IGSF9B: variants seen among roughly 807,000 people sequenced by gnomAD.
IGSF9B encodes protein turtle homolog B.
In IGSF9B, 48 loss-of-function variants were observed where a neutral mutation model predicts 143.7. The observed-to-expected ratio is 0.33, with a 90% CI of 0.26 to 0.42. The LOEUF (loss-of-function observed/expected upper bound fraction) is 0.42, where lower values mean the gene tolerates loss of function less well. Ranked by LOEUF, IGSF9B falls within the 20% of genes least tolerant of loss-of-function variation. IGSF9B has a pLI of 1.00. For missense variants in IGSF9B, 1,706 were observed against 1,980.0 expected (o/e 0.86, Z 2.63); for synonymous variants, 903 against 833.1 (o/e 1.08, Z -1.44).
intron 18 of IGSF9B, 137 bp downstream of exon 18, chr11:133,919,602 ACTC>A (rs1662569514): frequency 8.8e-6 from 5 of 570,406 alleles, no homozygotes; most frequent in Non-Finnish European, 1.4e-5. Flanking sequence ...GGCGGCCAGA[ACTC>A]CTCTCCGAGG....
chr11:133,907,876 C>G lies in IGSF9B; in HGVS notation c.*1193G>C, dbSNP rs377125179. ...CAGGTCCACCGGAGGACGAAGGCCC[C>G]GGGGCAGAGAAGAGTCGGCAGGCAG... On this transcript the variant is annotated 3_prime_UTR_variant, in exon 20 of 20. Coordinates refer to ENST00000533871, the MANE Select transcript of IGSF9B (RefSeq NM_001277285.4). Among the ~76,000 whole-genome samples the G allele has an allele frequency of 6.6e-6, 1 of 152,178 alleles. No individual in the cohort carries two copies. Among genetic ancestry groups the G allele is most frequent in the Non-Finnish European group, 1.5e-5 (1 of 68,036 alleles).
chr11:133,900,976 T>C lies in IGSF9B; in HGVS notation c.*8093A>G, dbSNP rs1010057142. On this transcript the variant is annotated 3_prime_UTR_variant, in exon 20 of 20. Transcript: ENST00000533871. ...TCTAATGCTGTGAAGCCAGGTTTTC[T>C]CTGAGGAACTGGTTACCTTTCCACA... 7.9e-5 allele frequency: 12 copies of C among 152,258 alleles called. No homozygotes were observed. Among genetic ancestry groups the C allele is most frequent in the Non-Finnish European group, 1.5e-4 (10 of 68,048 alleles). 9.4% of individuals were successfully genotyped at this position (152,258 alleles called of 1,614,324 possible).
chr11:133,944,484 G>T, intron 2 of IGSF9B, 118 bp from the exon 3 acceptor site: 1 of 1,095,196 alleles, frequency 9.1e-7, no homozygotes, highest in Non-Finnish European at 1.3e-6. Flanking sequence ...ATTCCCTATG[G>T]CAGGGCTCCA....
chr11:133,947,919 ATC>A (rs969727201), intron 1 of IGSF9B, among the ~76,000 whole-genome samples: 21 of 151,316 alleles, frequency 1.4e-4, no homozygotes, highest in East Asian at 1.2e-3. Context: ...CTGTCCGTCC[ATC>A]TCTCTCTGGC....
rs1939111890 is a variant in IGSF9B, at chr11:133,901,088, C to T, written c.*7981G>A. 6.6e-6 allele frequency: 1 copy of T among 152,270 alleles called. No individual in the cohort carries two copies. The highest frequency in any genetic ancestry group is 2.1e-4 in the South Asian group (1 of 4,834). The allele number at this position is 152,270 out of a possible 1,614,324, so 9.4% of individuals were successfully genotyped here. ...CAAAGAAGTTCAAGTCAACATCCCT[C>T]CCAAGTGGCAAGAGACACATTGGTC... On this transcript the variant is annotated 3_prime_UTR_variant, in exon 20 of 20. Coordinates refer to ENST00000533871, the MANE Select transcript of IGSF9B (RefSeq NM_001277285.4).
Position 133,902,266 on chromosome 11 carries a change from TCACA to T in IGSF9B, c.*6799_*6802del, listed in dbSNP as rs374552989. Among the ~76,000 whole-genome samples, 7 of 113,286 alleles carry T rather than the reference TCACA, an allele frequency of 6.2e-5. No individual in the cohort carries two copies. The highest frequency in any genetic ancestry group is 2.9e-4 in the East Asian group (1 of 3,400). The allele number at this position is 113,286 out of a possible 152,430, so 74.3% of individuals were successfully genotyped here. A position where few individuals can be genotyped will look rare whatever the true frequency, so the allele number is the denominator to read the frequency against. Reference sequence around the variant, plus strand: ...CACTCAACACACCACACACACTGCATCACACACACACACACCAGACACATCACAC... The same window carrying T: ...CACTCAACACACCACACACACTGCATCACACACACACCAGACACATCACAC... On this transcript the variant is annotated 3_prime_UTR_variant, in exon 20 of 20. Coordinates refer to ENST00000533871, the MANE Select transcript of IGSF9B (RefSeq NM_001277285.4).
At chr11:133,952,266 T>G (rs1940174471) in intron 1 of IGSF9B, 1 of 336,922 alleles carries the variant, frequency 3.0e-6, no homozygotes, top group South Asian at 2.3e-5. Flanking sequence ...ATAAGCTGCC[T>G]ATCCAACCCC....
chr11:133,947,857 G>A (rs1310068909), intron 1 of IGSF9B, among the ~76,000 whole-genome samples: 2 of 151,786 alleles, frequency 1.3e-5, no homozygotes, highest in African/African-American at 4.8e-5. Flanking sequence ...TGGCTCCTCT[G>A]TCTGCCTGTC....
At chr11:133,956,582 C>G (rs1940259675) in intron 1 of IGSF9B, 109 bp downstream of exon 1, 11 of 712,544 alleles carry the variant, frequency 1.5e-5, no homozygotes, top group Middle Eastern at 7.1e-4. Flanking sequence ...GAAGGCGCGC[C>G]GGGGAGCTGG....
At chr11:133,946,311 C>T in intron 1 of IGSF9B, 53 bp from the exon 2 acceptor site, 2 of 1,481,490 alleles carry the variant, frequency 1.3e-6, no homozygotes, top group Non-Finnish European at 9.3e-7. Flanking sequence ...AGAGATCCTG[C>T]CCCAGCAGCC....
Position 133,920,390 on chromosome 11 carries a change from G to A in IGSF9B, c.3335C>T (p.Pro1112Leu), listed in dbSNP as rs1162927815. ...CTTGGCGGCGGGGGGCGCTGGGACA[G>A]GGCCCCTGCCGGGCGACTTGCCTGC... ...GWAGKSPGRG[P>L]VPAPPAAKWQ... The change falls in exon 18 of 20, where the codon CCT becomes CTT. Residue 1112 changes from proline to leucine, a missense_variant. Pro to Leu is a moderately conservative substitution (Grantham distance 98, BLOSUM62 -3). Around this residue, in one of 7 missense-constraint regions of IGSF9B, gnomAD observed 880 missense variants for 762.9 expected, o/e 1.15. Coordinates refer to ENST00000533871, the MANE Select transcript of IGSF9B (RefSeq NM_001277285.4). 1.2e-6 allele frequency: 2 copies of A among 1,601,160 alleles called. No individual in the cohort carries two copies. The highest frequency in any genetic ancestry group is 8.5e-7 in the Non-Finnish European group (1 of 1,174,632).
intron 7 of IGSF9B, among the ~76,000 whole-genome samples, chr11:133,934,884 A>G (rs933561528): frequency 1.3e-5 from 2 of 152,250 alleles, no homozygotes; most frequent in African/African-American, 4.8e-5. Context: ...TACAGCAACA[A>G]TGCCAGCCTT....
chr11:133,947,512 G>T (rs1940075573), intron 1 of IGSF9B, among the ~76,000 whole-genome samples: 1 of 152,230 alleles, frequency 6.6e-6, no homozygotes, highest in Non-Finnish European at 1.5e-5. Flanking sequence ...GCCAGCTGGG[G>T]ACTCCCGCAG....
chr11:133,927,024 G>C lies in IGSF9B; in HGVS notation c.1699C>G (p.Leu567Val). ...SLPVPPGPSW[L>V]LVDTLEPETA... ...TCAGGCTCCAGGGTGTCCACCAGCA[G>C]CCAGCTGGGTCCTGGCGGCACTGGC... The change falls in exon 13 of 20, where the codon CTG becomes GTG. Residue 567 changes from leucine (L) to valine (V), a missense_variant. Around this residue, in one of 7 missense-constraint regions of IGSF9B, gnomAD observed 267 missense variants for 321.1 expected, o/e 0.83. Coordinates refer to ENST00000533871, the MANE Select transcript of IGSF9B (RefSeq NM_001277285.4). 1 of 1,571,280 alleles carries C rather than the reference G, an allele frequency of 6.4e-7. No individual in the cohort carries two copies.
rs886565289 is a variant in IGSF9B, at chr11:133,906,810, T to C, written c.*2259A>G. Reference sequence around the variant, plus strand: ...CAGGGCCTGGCTGAGCCCCGTGAGCTCCTCTGGGGTAGAAATCTCACACTG... The same window carrying C: ...CAGGGCCTGGCTGAGCCCCGTGAGCCCCTCTGGGGTAGAAATCTCACACTG... On this transcript the variant is annotated 3_prime_UTR_variant, in exon 20 of 20. Transcript: ENST00000533871. Among the ~76,000 whole-genome samples the C allele has an allele frequency of 1.3e-5, 2 of 152,022 alleles. No individual in the cohort carries two copies. The highest frequency in any genetic ancestry group is 4.8e-5 in the African/African-American group (2 of 41,372).
intron 12 of IGSF9B, among the ~76,000 whole-genome samples, chr11:133,927,787 G>A (rs1218522015): frequency 6.6e-6 from 1 of 152,178 alleles, no homozygotes; most frequent in Non-Finnish European, 1.5e-5. Flanking sequence ...TCACCACAGG[G>A]AGGAGACATG....
chr11:133,950,128 G>A (rs1940131379), intron 1 of IGSF9B, among the ~76,000 whole-genome samples: 1 of 152,178 alleles, frequency 6.6e-6, no homozygotes, highest in Non-Finnish European at 1.5e-5. Flanking sequence ...GGCTGCCGTT[G>A]GACCCCTGTG....
rs746947924 is a variant in IGSF9B, at chr11:133,919,917, G to A, written c.3808C>T (p.Arg1270Trp). ...AGAGTGGTGAAGCCCATGGCGGGCC[G>A]GTAGCTGGGACTCCCACTGCGGCTG... ...QSSRSGSPSY[R>W]PAMGFTTLAT... The change falls in exon 18 of 20, where the codon CGG becomes TGG. Residue 1270 changes from arginine to tryptophan, a missense_variant. Physicochemically the swap from Arg to Trp is moderately radical, Grantham distance 101. Around this residue, in one of 7 missense-constraint regions of IGSF9B, gnomAD observed 880 missense variants for 762.9 expected, o/e 1.15. Coordinates refer to ENST00000533871, the MANE Select transcript of IGSF9B (RefSeq NM_001277285.4). The A allele has an allele frequency of 2.6e-6, 4 of 1,564,666 alleles. No individual in the cohort carries two copies. Among genetic ancestry groups the A allele is most frequent in the Admixed American group, 1.9e-5 (1 of 52,472 alleles).
chr11:133,935,810 T>C (rs1331403053), intron 6 of IGSF9B, 48 bp from the exon 7 acceptor site: 1 of 1,590,600 alleles, frequency 6.3e-7, no homozygotes, highest in Admixed American at 1.7e-5. Flanking sequence ...GAAGGGGATC[T>C]TGCCGCAGAC....
Sources: gnomAD v4.1 joint callset for allele counts (sites outside exome capture counted in the v4.1 genomes callset) on GRCh38, gnomAD v4.1.1 for gene constraint, gnomAD v4.1.1 regional missense constraint, MANE v1.5 for transcripts, NCBI Gene and HGNC (gene_info 2026-07-23, HGNC 2026-07-21) for gene names.